The following HELB variants were observed in gnomAD, a reference collection of about 807,000 sequenced individuals.
The protein encoded by HELB is DNA helicase B, also known as DNA 5'-3' helicase B.
A neutral mutation model predicts 101.7 loss-of-function variants in HELB; 96 were observed. The ratio of observed to expected loss-of-function variants is 0.94; its 90% CI spans 0.80 to 1.12. HELB has a LOEUF of 1.12. Among genes scored for constraint, HELB ranks in the 50% most tolerant of loss-of-function variants. The probability of loss-of-function intolerance (pLI) is 0.00; values close to 1 mark genes in which losing one functional copy is unlikely to be tolerated. For synonymous variants in HELB, 437 were observed against 459.7 expected (o/e 0.95, Z 0.63); for missense variants, 1,210 against 1,291.9 (o/e 0.94, Z 0.97).
intron 3 of HELB, among the ~76,000 whole-genome samples, chr12:66,308,486 G>C (rs2053503903): frequency 6.6e-6 from 1 of 152,230 alleles, no homozygotes; most frequent in South Asian, 2.1e-4. Flanking sequence ...TGCTATCCAA[G>C]TATTGTATTA....
intron 4 of HELB, 126 bp downstream of exon 4, chr12:66,310,734 C>T: frequency 1.2e-6 from 1 of 822,122 alleles, no homozygotes; most frequent in Non-Finnish European, 1.9e-6. Flanking sequence ...AGATGGAGAC[C>T]ATCCTGGCTA....
intron 11 of HELB, among the ~76,000 whole-genome samples, chr12:66,329,805 G>A (rs1002414896): frequency 3.3e-5 from 5 of 151,960 alleles, no homozygotes; most frequent in African/African-American, 1.2e-4. Flanking sequence ...TAAGAACTAG[G>A]TTAGCTGAGT....
At chr12:66,338,886 G>T (rs2053896039), downstream of HELB, 1 of 152,184 alleles carries the variant, frequency 6.6e-6, no homozygotes, top group African/African-American at 2.4e-5. Context: ...GCTGCCTGGG[G>T]CCCAGCCTAC....
At position 66,314,069 on chromosome 12, in the gene HELB, T is replaced by C; in HGVS notation, c.1764T>C (p.Val588=). Residue 588 remains valine (V), a synonymous_variant, in exon 5 of 13, where the codon GTT becomes GTC. Transcript: ENST00000247815. ...AATTTTCTTCGGTTAGAGTTCTGGT[T>C]GTGGATGAAGGGAGTTTGGTATCTG... ...PWKFSSVRVL[V]VDEGSLVSVG... 1.9e-6 allele frequency: 3 copies of C among 1,613,944 alleles called. No individual in the cohort carries two copies. The highest frequency in any genetic ancestry group is 2.5e-6 in the Non-Finnish European group (3 of 1,179,822).
intron 3 of HELB, among the ~76,000 whole-genome samples, chr12:66,306,896 T>C (rs2053483398): frequency 6.6e-6 from 1 of 152,226 alleles, no homozygotes; most frequent in Non-Finnish European, 1.5e-5. Flanking sequence ...TCCATTCTGC[T>C]GTGCAACTCA....
rs774466557 is a variant in HELB, at chr12:66,302,525, C to G, written c.-79C>G. 1 of 1,402,958 alleles carries G rather than the reference C, an allele frequency of 7.1e-7. No individual in the cohort carries two copies. Among genetic ancestry groups the G allele is most frequent in the East Asian group, 2.3e-5 (1 of 43,568 alleles). The allele number at this position is 1,402,958 out of a possible 1,614,324, so 86.9% of individuals were successfully genotyped here. On this transcript the variant is annotated 5_prime_UTR_variant, in exon 1 of 13. Transcript: ENST00000247815. ...TCCCGGAAGTTGATGGCCTTACAGT[C>G]GTAGAACTGATTGGCTGATCATGAC...
intron 12 of HELB, among the ~76,000 whole-genome samples, chr12:66,332,183 A>G (rs375780487): frequency 1.3e-5 from 2 of 152,030 alleles, no homozygotes; most frequent in Non-Finnish European, 2.9e-5. Flanking sequence ...CTCTTTTCCA[A>G]TTTCTCCATT....
Position 66,315,334 on chromosome 12 carries a change from A to C in HELB, c.1951A>C (p.Lys651Gln), listed in dbSNP as rs1389683050. The C allele has an allele frequency of 6.2e-7, 1 of 1,609,734 alleles. No homozygotes were observed. Among genetic ancestry groups the C allele is most frequent in the Non-Finnish European group, 8.5e-7 (1 of 1,178,076 alleles). ...GTCAAGAAATTGTGCTATTGAGCTA[A>C]AGACAAACCATAGAGCAGAATCTCA... ...LKSRNCAIEL[K>Q]TNHRAESQLI... The change falls in exon 6 of 13, where the codon AAG becomes CAG. Residue 651 changes from lysine to glutamine, a missense_variant. Lys to Gln is a moderately conservative substitution (Grantham distance 53, BLOSUM62 1). This residue lies in a region of HELB where 740 missense variants were observed against 728.8 expected (regional missense o/e 1.02). Transcript: ENST00000247815.
At position 66,331,396 on chromosome 12, in the gene HELB, C is replaced by G. The variant is rs377625321; in HGVS notation, c.2913C>G (p.Ser971Arg). 16 of 1,614,110 alleles carry G rather than the reference C, an allele frequency of 9.9e-6. No homozygotes were observed. Among genetic ancestry groups the G allele is most frequent in the Non-Finnish European group, 1.3e-5 (15 of 1,180,042 alleles). ...CAGATTTTCCGTCCCCACGGAAGAG[C>G]TCTGGAGACAGTGGAGGACCCAGCA... is the stretch of plus-strand genomic sequence containing the variant. ...PPADFPSPRK[S>R]SGDSGGPSTP... is the part of the protein sequence containing the mutation. The change falls in exon 12 of 13, where the codon AGC becomes AGG. Residue 971 changes from serine (S) to arginine (R), a missense_variant. Physicochemically the swap from Ser to Arg is moderately radical, Grantham distance 110 (BLOSUM62 -1). Coordinates refer to ENST00000247815, the MANE Select transcript of HELB (RefSeq NM_001370285.1).
intron 7 of HELB, among the ~76,000 whole-genome samples, chr12:66,321,193 T>A (rs1433686985): frequency 6.6e-6 from 1 of 152,196 alleles, no homozygotes; most frequent in Non-Finnish European, 1.5e-5. Flanking sequence ...GGAAAATGCT[T>A]GTACTTCCAT....
At chr12:66,333,392 G>C (rs1277986136) in intron 12 of HELB, among the ~76,000 whole-genome samples, 1 of 152,120 alleles carries the variant, frequency 6.6e-6, no homozygotes, top group Non-Finnish European at 1.5e-5. Context: ...TATTCAAAGA[G>C]GAAGGCAGGT....
intron 3 of HELB, among the ~76,000 whole-genome samples, chr12:66,307,810 C>A (rs963681330): frequency 1.3e-5 from 2 of 151,060 alleles, no homozygotes; most frequent in African/African-American, 4.9e-5. Context: ...CTGCTCACTG[C>A]AGTCTCCACC....
intron 11 of HELB, among the ~76,000 whole-genome samples, chr12:66,327,524 T>C (rs1009293174): frequency 3.3e-5 from 5 of 151,556 alleles, no homozygotes; most frequent in Admixed American, 6.6e-5. Flanking sequence ...AGTAAAGGTG[T>C]CTTTATTATT....
At position 66,302,876 on chromosome 12, in the gene HELB, A is replaced by G; in HGVS notation, c.187+86A>G. 4.2e-6 allele frequency: 5 copies of G among 1,193,794 alleles called. No homozygotes were observed. The South Asian group carries it at 6.0e-5, about 14-fold the overall frequency. 74.0% of individuals were successfully genotyped at this position (1,193,794 alleles called of 1,614,324 possible). A position where few individuals can be genotyped will look rare whatever the true frequency, so the allele number is the denominator to read the frequency against. Reference sequence around the variant, plus strand: ...TGGCTTTGCCCTGAGCAAGGCACCCAGTCGTGCTAACAGATTTAGCTTATC... The same window carrying G: ...TGGCTTTGCCCTGAGCAAGGCACCCGGTCGTGCTAACAGATTTAGCTTATC... On this transcript the variant is annotated intron_variant, in intron 1 of 12. Coordinates refer to ENST00000247815, the MANE Select transcript of HELB (RefSeq NM_001370285.1).
chr12:66,337,563 G>A (rs1049981320), intron 12 of HELB, among the ~76,000 whole-genome samples: 1 of 150,650 alleles, frequency 6.6e-6, no homozygotes, highest in Admixed American at 6.6e-5. Flanking sequence ...TACACATCCA[G>A]AACTGACTTC....
intron 11 of HELB, among the ~76,000 whole-genome samples, chr12:66,326,743 A>T (rs1426243011): frequency 6.6e-6 from 1 of 151,126 alleles, no homozygotes; most frequent in Non-Finnish European, 1.5e-5. Context: ...TTTTAAAGGT[A>T]AAAAAGGGTC....
intron 6 of HELB, among the ~76,000 whole-genome samples, chr12:66,316,330 A>C (rs114833678): frequency 6.6e-6 from 1 of 152,158 alleles, no homozygotes. Context: ...CTGTATTAAA[A>C]TCTCTAGATA....
chr12:66,319,363 G>T (rs2053645637), intron 7 of HELB, among the ~76,000 whole-genome samples: 1 of 152,064 alleles, frequency 6.6e-6, no homozygotes, highest in African/African-American at 2.4e-5. Flanking sequence ...TCTCCTTTAT[G>T]TATATGACCT....
In HELB at chr12:66,323,680, G is replaced by A. The variant is rs375465085; in HGVS notation, c.2298-303G>A. On this transcript the variant is annotated intron_variant, in intron 9 of 12. Transcript: ENST00000247815. ...TTTTAAAGGAAAAAAATCAAAATTTGTGTTAACCTTTAGAATATAAGGGGA... is the reference window on the plus strand; with the variant it reads ...TTTTAAAGGAAAAAAATCAAAATTTATGTTAACCTTTAGAATATAAGGGGA... Among the ~76,000 whole-genome samples the A allele has an allele frequency of 9.2e-5, 14 of 152,294 alleles. No individual in the cohort carries two copies. The East Asian group carries it at 1.5e-3, about 17-fold the overall frequency.
Sources: gnomAD v4.1 joint callset for allele counts (sites outside exome capture counted in the v4.1 genomes callset) on GRCh38, gnomAD v4.1.1 for gene constraint, gnomAD v4.1.1 regional missense constraint, MANE v1.5 for transcripts, NCBI Gene and HGNC (gene_info 2026-07-23, HGNC 2026-07-21) for gene names.